Variants in RBFOX1 observed in about 807,000 individuals in gnomAD.
The protein encoded by RBFOX1 is RNA binding protein fox-1 homolog 1.
RBFOX1 carries 8 observed loss-of-function variants against 57.7 expected under a neutral mutation model. That is an observed-to-expected ratio of 0.14 (90% CI 0.08 to 0.25). The LOEUF (loss-of-function observed/expected upper bound fraction) is 0.25. Among genes scored for constraint, RBFOX1 ranks in the 10% least tolerant of loss-of-function variants. The pLI is 1.00. For missense variants in RBFOX1, 611 were observed against 548.5 expected (o/e 1.11, Z -1.14); for synonymous variants, 326 against 222.4 (o/e 1.47, Z -4.15).
rs540053598 is a variant in RBFOX1 at position 5,540,362 on chromosome 16, A to G, written c.259-58540A>G. Among the ~76,000 whole-genome samples, 3 of 152,368 alleles carry G rather than the reference A, an allele frequency of 2.0e-5. No individual in the cohort carries two copies. The South Asian group carries it at 6.2e-4, about 32-fold the overall frequency. On this transcript the variant is annotated intron_variant, in intron 2 of 2. Transcript: ENST00000585867. ...AGATTATGTATACTATGAAATATGA[A>G]GAGTGGGATAAAGTAGCCAGTGTTT...
intron 1 of RBFOX1, among the ~76,000 whole-genome samples, chr16:6,044,960 C>T (rs553994860): frequency 1.3e-5 from 2 of 152,326 alleles, no homozygotes; most frequent in Admixed American, 6.5e-5. Context: ...CAGTGGCTCT[C>T]ACTATTGACT....
intron 3 of RBFOX1, among the ~76,000 whole-genome samples, chr16:5,691,166 C>T (rs1366570206): frequency 6.6e-6 from 1 of 152,214 alleles, no homozygotes; most frequent in East Asian, 1.9e-4. Context: ...TTCTGAGCTC[C>T]TCAACATCTT....
intron 1 of RBFOX1, among the ~76,000 whole-genome samples, chr16:6,160,932 A>G (rs1300461679): frequency 6.6e-6 from 1 of 152,134 alleles, no homozygotes; most frequent in Non-Finnish European, 1.5e-5. Flanking sequence ...TTATCATATC[A>G]TGACTAGAAC....
intron 2 of RBFOX1, among the ~76,000 whole-genome samples, chr16:6,551,671 T>A (rs1380318162): frequency 6.6e-6 from 1 of 152,174 alleles, no homozygotes; most frequent in African/African-American, 2.4e-5. Flanking sequence ...GTAGCTAATA[T>A]AGCTACAGAT....
intron 4 of RBFOX1, among the ~76,000 whole-genome samples, chr16:5,903,547 G>A (rs1277662824): frequency 6.6e-6 from 1 of 152,144 alleles, no homozygotes; most frequent in African/African-American, 2.4e-5. Flanking sequence ...GGATAGAAAG[G>A]AGACAGGCAG....
intron 3 of RBFOX1, among the ~76,000 whole-genome samples, chr16:5,755,434 A>T (rs534623521): frequency 1.7e-3 from 253 of 152,310 alleles, no homozygotes; most frequent in Non-Finnish European, 2.8e-3. Context: ...TTATTGGTTC[A>T]CACTGATCTT....
At position 5,289,408 on chromosome 16, in the gene RBFOX1, T is replaced by G. The variant is rs141468476; in HGVS notation, c.219+49303T>G. ...GCCCCCATATGGGGTGCTGCCATCA[T>G]ACCGAGATGTGCGAGAAGTATCAAA... is the stretch of plus-strand genomic sequence containing the variant. On this transcript the variant is annotated intron_variant, in intron 1 of 2. Transcript: ENST00000585867. 3.6e-3 allele frequency: 1,199 copies of G among 329,336 alleles called. 3 individuals carry two copies. Among genetic ancestry groups the G allele is most frequent in the Non-Finnish European group, 5.7e-3 (971 of 170,646 alleles). 20.4% of individuals were successfully genotyped at this position (329,336 alleles called of 1,614,324 possible). A position where few individuals can be genotyped will look rare whatever the true frequency, so the allele number is the denominator to read the frequency against.
At chr16:6,812,835 A>G (rs781698461) in intron 3 of RBFOX1, among the ~76,000 whole-genome samples, 1 of 152,194 alleles carries the variant, frequency 6.6e-6, no homozygotes, top group South Asian at 2.1e-4. Flanking sequence ...CAGCAGTACC[A>G]TAGAAGATGG....
At chr16:5,864,076 C>G (rs2057288645) in intron 3 of RBFOX1, among the ~76,000 whole-genome samples, 1 of 152,138 alleles carries the variant, frequency 6.6e-6, no homozygotes, top group Non-Finnish European at 1.5e-5. Context: ...TCCAGAAGGC[C>G]CCATTGTGTA....
intron 3 of RBFOX1, among the ~76,000 whole-genome samples, chr16:6,776,430 AAAACAAAC>A (rs139990477): frequency 1.1e-4 from 16 of 151,080 alleles, no homozygotes; most frequent in Admixed American, 7.2e-4. Flanking sequence ...CAAAAAACAA[AAAACAAAC>A]AAACAAACAA....
chr16:6,380,834 C>A (rs2091739278), intron 2 of RBFOX1, among the ~76,000 whole-genome samples: 1 of 152,128 alleles, frequency 6.6e-6, no homozygotes, highest in Non-Finnish European at 1.5e-5. Context: ...TCAGCAGTGC[C>A]CAAAGCGCCT....
At chr16:5,844,844 T>C (rs1223909041) in intron 3 of RBFOX1, among the ~76,000 whole-genome samples, 2 of 152,192 alleles carry the variant, frequency 1.3e-5, no homozygotes, top group Non-Finnish European at 2.9e-5. Flanking sequence ...GTTGAGATCC[T>C]AGTAATTAGG....
chr16:5,418,888 A>G (rs2067234779), intron 1 of RBFOX1, among the ~76,000 whole-genome samples: 1 of 152,232 alleles, frequency 6.6e-6, no homozygotes, highest in Non-Finnish European at 1.5e-5. Context: ...ACTGAGAATT[A>G]CAGAATTCCA....
intron 3 of RBFOX1, among the ~76,000 whole-genome samples, chr16:5,651,178 G>C (rs1420136499): frequency 6.7e-6 from 1 of 148,694 alleles, no homozygotes; most frequent in Non-Finnish European, 1.5e-5. Flanking sequence ...TCAGCCTCCT[G>C]AGTAGCTGGA....
At chr16:5,443,911 A>G (rs2068163055) in intron 1 of RBFOX1, among the ~76,000 whole-genome samples, 1 of 151,568 alleles carries the variant, frequency 6.6e-6, no homozygotes, top group African/African-American at 2.4e-5. Flanking sequence ...CCGAGGGGAG[A>G]TTTTCCACCT....
intron 4 of RBFOX1, among the ~76,000 whole-genome samples, chr16:5,916,080 G>A (rs2058697854): frequency 1.3e-5 from 2 of 152,092 alleles, no homozygotes; most frequent in South Asian, 2.1e-4. Flanking sequence ...CCTACAGACT[G>A]TGTTAAGGAC....
At chr16:7,699,734 CTTTTT>C (rs143846992) in intron 14 of RBFOX1, among the ~76,000 whole-genome samples, 1 of 148,570 alleles carries the variant, frequency 6.7e-6, no homozygotes, top group Non-Finnish European at 1.5e-5. Flanking sequence ...ATGAGTTCAC[CTTTTT>C]TTTTTACTTT....
At chr16:5,727,047 T>G (rs1044981777) in intron 3 of RBFOX1, among the ~76,000 whole-genome samples, 3 of 152,088 alleles carry the variant, frequency 2.0e-5, no homozygotes, top group Admixed American at 2.0e-4. Context: ...TTACTTGAGG[T>G]CAGGAGTTTA....
chr16:6,737,881 A>G (rs528639391), intron 3 of RBFOX1, among the ~76,000 whole-genome samples: 13 of 152,250 alleles, frequency 8.5e-5, no homozygotes, highest in African/African-American at 2.9e-4. Flanking sequence ...TATTTTCGAG[A>G]TGGGGGAAGC....
Sources: allele counts gnomAD v4.1 joint callset (sites outside exome capture counted in the v4.1 genomes callset), GRCh38; gene constraint gnomAD v4.1.1; transcripts MANE v1.5; gene names NCBI Gene and HGNC (gene_info 2026-07-23, HGNC 2026-07-21).